RANBP17: variants seen among roughly 807,000 people sequenced by gnomAD.
RANBP17 encodes the protein RAN binding protein 17.
In RANBP17, 158 loss-of-function variants were observed where a neutral mutation model predicts 141.2. The observed-to-expected ratio is 1.12, with a 90% CI of 0.98 to 1.28. RANBP17 has a LOEUF of 1.28. Among genes scored for constraint, RANBP17 ranks in the 50% most tolerant of loss-of-function variants. RANBP17 has a pLI of 0.00. For missense variants in RANBP17, 1,438 were observed against 1,290.7 expected (o/e 1.11, Z -1.75); for synonymous variants, 430 against 450.0 (o/e 0.96, Z 0.56).
intron 14 of RANBP17, among the ~76,000 whole-genome samples, chr5:171,169,219 C>T (rs1759930066): frequency 6.6e-6 from 1 of 152,076 alleles, no homozygotes; most frequent in Admixed American, 6.6e-5. Context: ...AGCTATGTTG[C>T]TGTACATAAG....
chr5:171,034,855 T>G (rs1781770166), intron 14 of RANBP17, among the ~76,000 whole-genome samples: 1 of 152,138 alleles, frequency 6.6e-6, no homozygotes, highest in Non-Finnish European at 1.5e-5. Context: ...CTCACTCTGT[T>G]TCCCAGGCTG....
rs146822495 is a variant in RANBP17 at position 171,255,735 on chromosome 5, C to T, written c.2777-9946C>T. Among the ~76,000 whole-genome samples, 49 of 152,032 alleles carry T rather than the reference C, an allele frequency of 3.2e-4. No homozygotes were observed. In the East Asian group the frequency reaches 8.9e-3, roughly 28 times the overall value. On this transcript the variant is annotated intron_variant, in intron 24 of 27. Transcript: ENST00000523189. ...AGTAAGAAGTGACCTATGAAGAAAG[C>T]GTTGTGAGGTTATATGTTGGTTGAC... is the stretch of plus-strand genomic sequence containing the variant.
intron 5 of RANBP17, among the ~76,000 whole-genome samples, chr5:170,901,151 T>C (rs551280207): frequency 4.1e-4 from 63 of 152,322 alleles, no homozygotes; most frequent in African/African-American, 1.5e-3. Flanking sequence ...TCTAAGTCTC[T>C]TTGTAGGTCT....
chr5:171,254,104 G>A (rs1185573678), intron 24 of RANBP17, among the ~76,000 whole-genome samples: 3 of 152,124 alleles, frequency 2.0e-5, no homozygotes, highest in Admixed American at 6.5e-5. Context: ...AAAATTAGCC[G>A]GGTGTGGTGG....
chr5:171,004,570 TACTC>T (rs1173354470), intron 14 of RANBP17, among the ~76,000 whole-genome samples: 2 of 152,142 alleles, frequency 1.3e-5, no homozygotes, highest in Non-Finnish European at 2.9e-5. Context: ...GGGACGGACT[TACTC>T]TTCTCTGTAA....
intron 22 of RANBP17, among the ~76,000 whole-genome samples, chr5:171,237,875 A>C (rs1764636381): frequency 6.6e-6 from 1 of 152,226 alleles, no homozygotes; most frequent in African/African-American, 2.4e-5. Flanking sequence ...GAAGATCAAA[A>C]GCAAACCTAA....
chr5:171,160,952 C>T (rs1759304686), intron 14 of RANBP17, among the ~76,000 whole-genome samples: 1 of 151,962 alleles, frequency 6.6e-6, no homozygotes, highest in African/African-American at 2.4e-5. Context: ...GCCACCACGC[C>T]CTGCTAATTT....
intron 14 of RANBP17, among the ~76,000 whole-genome samples, chr5:171,057,923 A>C (rs1003182295): frequency 3.9e-5 from 6 of 152,210 alleles, no homozygotes; most frequent in Middle Eastern, 3.4e-3. Context: ...GGGGATTACA[A>C]TTGGAGGTGA....
At chr5:171,028,751 C>G (rs527686877) in intron 14 of RANBP17, 1 of 395,924 alleles carries the variant, frequency 2.5e-6, no homozygotes, top group Admixed American at 3.1e-5. Flanking sequence ...TGCTTGCATA[C>G]AGAGAAGAGC....
intron 24 of RANBP17, chr5:171,252,929 C>T: frequency 1.4e-6 from 2 of 1,465,062 alleles, no homozygotes; most frequent in Non-Finnish European, 1.9e-6. Flanking sequence ...GGGCTGACAT[C>T]AGATATCTCA....
chr5:171,018,212 T>C (rs1196550305), intron 14 of RANBP17, among the ~76,000 whole-genome samples: 1 of 152,152 alleles, frequency 6.6e-6, no homozygotes, highest in African/African-American at 2.4e-5. Context: ...TTGTTCTTTT[T>C]GCTTAAGATT....
At chr5:171,158,026 G>T (rs1378313297) in intron 14 of RANBP17, among the ~76,000 whole-genome samples, 1 of 152,128 alleles carries the variant, frequency 6.6e-6, no homozygotes, top group Non-Finnish European at 1.5e-5. Flanking sequence ...ATAATTACAG[G>T]CAATGCTTCC....
At chr5:170,940,421 A>G (rs1316238182) in intron 12 of RANBP17, among the ~76,000 whole-genome samples, 1 of 152,196 alleles carries the variant, frequency 6.6e-6, no homozygotes, top group African/African-American at 2.4e-5. Context: ...TCATTCAAGC[A>G]TTAAGAATTT....
At chr5:170,932,372 C>A (rs1773466060) in intron 12 of RANBP17, among the ~76,000 whole-genome samples, 1 of 152,188 alleles carries the variant, frequency 6.6e-6, no homozygotes, top group Admixed American at 6.5e-5. Flanking sequence ...ATTTGACTTC[C>A]TCTTTTCCTA....
At chr5:170,979,702 G>T (rs754464707) in intron 14 of RANBP17, among the ~76,000 whole-genome samples, 3 of 152,196 alleles carry the variant, frequency 2.0e-5, no homozygotes, top group Non-Finnish European at 4.4e-5. Context: ...CTTCTGCCAT[G>T]ATTGTGAGGC....
chr5:171,093,762 A>G (rs150881485), intron 14 of RANBP17, among the ~76,000 whole-genome samples: 30 of 152,354 alleles, frequency 2.0e-4, no homozygotes, highest in African/African-American at 7.0e-4. Flanking sequence ...TATCTGCATC[A>G]GTCTAATTTA....
intron 14 of RANBP17, among the ~76,000 whole-genome samples, chr5:171,145,529 G>A (rs1011203864): frequency 6.6e-6 from 1 of 152,026 alleles, no homozygotes; most frequent in African/African-American, 2.4e-5. Context: ...CTGCTCCCTG[G>A]TCCTCCATAC....
At chr5:170,900,824 T>C (rs1245304739) in intron 5 of RANBP17, among the ~76,000 whole-genome samples, 1 of 152,236 alleles carries the variant, frequency 6.6e-6, no homozygotes, top group Non-Finnish European at 1.5e-5. Flanking sequence ...TTGTGCAGTT[T>C]TGAGTGAGTT....
intron 14 of RANBP17, among the ~76,000 whole-genome samples, chr5:171,096,477 G>C (rs1165980947): frequency 6.6e-6 from 1 of 152,170 alleles, no homozygotes. Flanking sequence ...GAATTCATTT[G>C]CTACATAGGC....
Sources: allele counts gnomAD v4.1 joint callset (sites outside exome capture counted in the v4.1 genomes callset), GRCh38; gene constraint gnomAD v4.1.1; transcripts MANE v1.5; gene names NCBI Gene and HGNC (gene_info 2026-07-23, HGNC 2026-07-21).